The following TBL1XR1 variants were observed in gnomAD, a reference collection of about 807,000 sequenced individuals.
TBL1XR1 encodes the protein F-box-like/WD repeat-containing protein TBL1XR1.
Under a neutral mutation model 66.9 loss-of-function variants are expected in TBL1XR1, and 5 were observed. The observed-to-expected ratio is 0.07, with a 90% CI of 0.04 to 0.16. The LOEUF (loss-of-function observed/expected upper bound fraction) is 0.16, where lower values mean the gene tolerates loss of function less well. Ranked by LOEUF, TBL1XR1 falls within the 10% of genes least tolerant of loss-of-function variation. TBL1XR1 has a pLI of 1.00. For missense variants in TBL1XR1, 238 were observed against 623.2 expected (o/e 0.38, Z 6.58); for synonymous variants, 210 against 206.0 (o/e 1.02, Z -0.17).
intron 1 of TBL1XR1, among the ~76,000 whole-genome samples, chr3:177,176,786 G>A (rs964593457): frequency 3.9e-5 from 6 of 152,010 alleles, no homozygotes; most frequent in Non-Finnish European, 7.4e-5. Context: ...CTGCACTCCA[G>A]CCTGGGCAGA....
chr3:177,153,909 G>A (rs1383662722), intron 1 of TBL1XR1, among the ~76,000 whole-genome samples: 1 of 147,272 alleles, frequency 6.8e-6, no homozygotes, highest in Non-Finnish European at 1.5e-5. Context: ...TATGGAACAA[G>A]TGAACTGCAG....
intron 2 of TBL1XR1, among the ~76,000 whole-genome samples, chr3:177,065,661 C>T (rs1719060684): frequency 6.6e-6 from 1 of 152,200 alleles, no homozygotes; most frequent in South Asian, 2.1e-4. Flanking sequence ...TGAGGCATGA[C>T]TCAAATATAT....
At chr3:177,114,508 C>A (rs1163930428) in intron 1 of TBL1XR1, among the ~76,000 whole-genome samples, 1 of 151,752 alleles carries the variant, frequency 6.6e-6, no homozygotes, top group Non-Finnish European at 1.5e-5. Context: ...ACACTGTTGT[C>A]CAGGCTAGTC....
At chr3:177,105,658 G>C (rs1351426364) in intron 1 of TBL1XR1, among the ~76,000 whole-genome samples, 9 of 152,198 alleles carry the variant, frequency 5.9e-5, no homozygotes, top group Admixed American at 5.2e-4. Flanking sequence ...GATTAGCTCT[G>C]TCCTACAGAA....
chr3:177,196,543 G>A (rs1409414292), intron 1 of TBL1XR1: 1 of 146,928 alleles, frequency 6.8e-6, no homozygotes, highest in African/African-American at 2.5e-5. Flanking sequence ...GCAGCCCCCA[G>A]CACGCCGGCC....
rs1011314555 is a variant in TBL1XR1 at position 177,020,653 on chromosome 3, C to T, written c.*4845G>A. The T allele has an allele frequency of 6.6e-6, 1 of 152,130 alleles. No individual in the cohort carries two copies. The highest frequency in any genetic ancestry group is 2.4e-5 in the African/African-American group (1 of 41,444). The allele number at this position is 152,130 out of a possible 1,614,324, so 9.4% of individuals were successfully genotyped here. The stretch of plus-strand genomic sequence containing the variant: ...TAAAAGCAATTAAAATGTAAACAAA[C>T]TGTAAACAAGAAATACCATCCCTCT... On this transcript the variant is annotated 3_prime_UTR_variant, in exon 16 of 16. Coordinates refer to ENST00000457928, the MANE Select transcript of TBL1XR1 (RefSeq NM_024665.7).
At chr3:177,197,750 C>G (rs1737096252), upstream of TBL1XR1, among the ~76,000 whole-genome samples, 1 of 146,636 alleles carries the variant, frequency 6.8e-6, no homozygotes. Flanking sequence ...CTTCCCGGCC[C>G]GCTCTGGCGG....
chr3:177,063,744 T>C (rs1370530387), intron 3 of TBL1XR1, among the ~76,000 whole-genome samples: 1 of 152,192 alleles, frequency 6.6e-6, no homozygotes, highest in Non-Finnish European at 1.5e-5. Flanking sequence ...AGCTATTAAC[T>C]TCAAAGCTTC....
chr3:177,112,498 A>G (rs890484310), intron 1 of TBL1XR1, among the ~76,000 whole-genome samples: 1 of 152,164 alleles, frequency 6.6e-6, no homozygotes, highest in East Asian at 1.9e-4. Flanking sequence ...TGTTTTATGC[A>G]TACAGATTGA....
At chr3:177,188,256 G>A (rs1439555016) in intron 1 of TBL1XR1, among the ~76,000 whole-genome samples, 2 of 150,642 alleles carry the variant, frequency 1.3e-5, no homozygotes, top group African/African-American at 4.9e-5. Flanking sequence ...ATATAAAAAA[G>A]AATTACTGTC....
intron 1 of TBL1XR1, among the ~76,000 whole-genome samples, chr3:177,188,120 C>A (rs758797354): frequency 1.3e-5 from 2 of 151,754 alleles, no homozygotes; most frequent in African/African-American, 2.4e-5. Context: ...TTAGTAGAGA[C>A]GGGGTTTTAC....
intron 2 of TBL1XR1, among the ~76,000 whole-genome samples, chr3:177,089,316 C>A (rs1722538015): frequency 6.6e-6 from 1 of 152,144 alleles, no homozygotes; most frequent in African/African-American, 2.4e-5. Flanking sequence ...TGCAAAGCAC[C>A]CTGAGGCCAA....
chr3:177,088,718 A>G (rs1433180272), intron 2 of TBL1XR1, among the ~76,000 whole-genome samples: 2 of 144,662 alleles, frequency 1.4e-5, no homozygotes, highest in East Asian at 4.9e-4. Context: ...TTTAAAAAAA[A>G]AAAAAAGAAA....
chr3:177,114,299 T>TATATATG (rs532472997), intron 1 of TBL1XR1, among the ~76,000 whole-genome samples: 5 of 151,538 alleles, frequency 3.3e-5, no homozygotes, highest in African/African-American at 4.9e-5. Context: ...TATGGATACA[T>TATATATG]ATATATGATA....
At chr3:177,147,017 T>G (rs1434648302) in intron 1 of TBL1XR1, among the ~76,000 whole-genome samples, 1 of 152,094 alleles carries the variant, frequency 6.6e-6, no homozygotes, top group African/African-American at 2.4e-5. Context: ...ATTAATACTT[T>G]TTACTGCTTC....
rs575856190 is a variant in TBL1XR1, at chr3:177,045,490, C to T, written c.925+639G>A. On this transcript the variant is annotated intron_variant, in intron 10 of 15. Transcript: ENST00000457928. ...GTGTGTGACTGTATATCATGAAGGA[C>T]GGAGCACTATTTTCGAGGTCTGATT... is the stretch of plus-strand genomic sequence containing the variant. Among the ~76,000 whole-genome samples the T allele has an allele frequency of 3.9e-5, 6 of 152,120 alleles. No homozygotes were observed. In the South Asian group the frequency reaches 1.2e-3, roughly 32 times the overall value.
At chr3:177,124,945 C>G (rs1485419247) in intron 1 of TBL1XR1, among the ~76,000 whole-genome samples, 1 of 151,964 alleles carries the variant, frequency 6.6e-6, no homozygotes, top group Non-Finnish European at 1.5e-5. Flanking sequence ...GGTTATAGAA[C>G]TAAGAGCTAA....
chr3:177,195,769 CCCCCACATTTTATTAACAAGCT>C (rs1299733173), intron 1 of TBL1XR1: 1 of 151,872 alleles, frequency 6.6e-6, no homozygotes, highest in African/African-American at 2.4e-5. Context: ...GCATTTTCAC[CCCCCACATTTTATTAACAAGCT>C]TGTTTAGATC....
At chr3:177,093,162 A>C (rs557693814) in intron 2 of TBL1XR1, among the ~76,000 whole-genome samples, 8 of 152,190 alleles carry the variant, frequency 5.3e-5, no homozygotes, top group Non-Finnish European at 1.2e-4. Context: ...TCTTCTATAC[A>C]TCAACAGCAA....
Sources: allele counts gnomAD v4.1 joint callset (sites outside exome capture counted in the v4.1 genomes callset), GRCh38; gene constraint gnomAD v4.1.1; transcripts MANE v1.5; gene names NCBI Gene and HGNC (gene_info 2026-07-23, HGNC 2026-07-21).